Variants in BET1 observed in about 807,000 individuals in gnomAD.
BET1 encodes Bet1 golgi vesicular membrane trafficking protein.
In BET1, 9 loss-of-function variants were observed where a neutral mutation model predicts 13.9. The ratio of observed to expected loss-of-function variants is 0.65; its 90% CI spans 0.39 to 1.13. The LOEUF (loss-of-function observed/expected upper bound fraction) is 1.13, where lower values mean the gene tolerates loss of function less well. Among genes scored for constraint, BET1 ranks in the 50% most tolerant of loss-of-function variants. BET1 has a pLI of 0.01. For missense variants in BET1, 127 were observed against 133.6 expected (o/e 0.95, Z 0.24); for synonymous variants, 39 against 47.3 (o/e 0.82, Z 0.72).
intron 4 of BET1, among the ~76,000 whole-genome samples, chr7:93,983,365 A>G (rs1392135368): frequency 6.6e-6 from 1 of 152,186 alleles, no homozygotes; most frequent in African/African-American, 2.4e-5. Context: ...TCACCTCAAT[A>G]TATTGAATTC....
chr7:94,003,300 C>T (rs932504932), intron 1 of BET1, among the ~76,000 whole-genome samples: 2 of 151,008 alleles, frequency 1.3e-5, no homozygotes, highest in African/African-American at 4.9e-5. Context: ...AACAAGTCTA[C>T]GGTTATTGGC....
chr7:93,988,256 C>T (rs899632908), downstream of BET1, among the ~76,000 whole-genome samples: 22 of 152,028 alleles, frequency 1.4e-4, no homozygotes, highest in Admixed American at 1.2e-3. Context: ...TATGTCTTTC[C>T]TAAATGAATT....
At position 93,993,813 on chromosome 7, in the gene BET1, T is replaced by A; in HGVS notation, c.*417A>T. The A allele has an allele frequency of 6.5e-7, 1 of 1,527,976 alleles. No individual in the cohort carries two copies. Among genetic ancestry groups the A allele is most frequent in the Non-Finnish European group, 8.7e-7 (1 of 1,144,154 alleles). 94.7% of individuals were successfully genotyped at this position (1,527,976 alleles called of 1,614,324 possible). A position where few individuals can be genotyped will look rare whatever the true frequency, so the allele number is the denominator to read the frequency against. On this transcript the variant is annotated 3_prime_UTR_variant, in exon 4 of 4. Coordinates refer to ENST00000222547, the MANE Select transcript of BET1 (RefSeq NM_005868.6). ...TGCAGTTAGGAAAATTCAATTACCA[T>A]TTTACCACAAACTGGCTGACTACTT...
intron 4 of BET1, among the ~76,000 whole-genome samples, chr7:93,978,242 T>C (rs1248644868): frequency 6.6e-6 from 1 of 152,156 alleles, no homozygotes; most frequent in Non-Finnish European, 1.5e-5. Context: ...GTTAATTTTG[T>C]ATTTTTTTGT....
chr7:93,999,675 C>A (rs1795852094), intron 1 of BET1: 4 of 456,794 alleles, frequency 8.8e-6, no homozygotes, highest in Admixed American at 4.7e-5. Flanking sequence ...AAAAGCGTGG[C>A]TGTGAAGAGG....
At chr7:93,992,250 C>T (rs571862143), downstream of BET1, 9 of 985,242 alleles carry the variant, frequency 9.1e-6, no homozygotes, top group South Asian at 3.3e-4. Flanking sequence ...ACTTTTATAC[C>T]ACCCAAAATC....
intron 1 of BET1, among the ~76,000 whole-genome samples, chr7:94,003,975 C>A (rs1211271791): frequency 6.6e-6 from 1 of 152,116 alleles, no homozygotes; most frequent in African/African-American, 2.4e-5. Context: ...CCACTACTTT[C>A]TCTAGCCTAC....
intron 4 of BET1, among the ~76,000 whole-genome samples, chr7:93,980,818 TA>T (rs1229204715): frequency 2.6e-5 from 4 of 152,214 alleles, no homozygotes; most frequent in Non-Finnish European, 5.9e-5. Flanking sequence ...AAGGAAGAAG[TA>T]AAACTGTCTG....
Position 93,981,810 on chromosome 7 carries a change from A to T in BET1, c.236-5710T>A, listed in dbSNP as rs553118281. ...GGTCCAATCTGGTGATGGAGCAGAC[A>T]TTGCAGTCAGTAGTGCCAATGGGAA... On this transcript the variant is annotated intron_variant and NMD_transcript_variant, in intron 4 of 6. Transcript: ENST00000357520. Among the ~76,000 whole-genome samples the T allele has an allele frequency of 3.3e-5, 5 of 152,340 alleles. No homozygotes were observed. In the South Asian group the frequency reaches 8.3e-4, roughly 25 times the overall value.
chr7:93,989,624 G>T (rs1378188652), downstream of BET1, among the ~76,000 whole-genome samples: 3 of 152,144 alleles, frequency 2.0e-5, no homozygotes, highest in Non-Finnish European at 4.4e-5. Context: ...AACAAAATTT[G>T]TGTGTACTTT....
At chr7:93,967,829 T>C (rs1795198825) in intron 6 of BET1, among the ~76,000 whole-genome samples, 2 of 151,806 alleles carry the variant, frequency 1.3e-5, no homozygotes, top group African/African-American at 2.4e-5. Context: ...TCTGCAGTTA[T>C]CACAATGTAT....
At chr7:93,981,123 CTA>C (rs1266968932) in intron 4 of BET1, among the ~76,000 whole-genome samples, 1 of 152,006 alleles carries the variant, frequency 6.6e-6, no homozygotes, top group Non-Finnish European at 1.5e-5. Context: ...TCTGTCATTT[CTA>C]TGTGTTTGCT....
intron 4 of BET1, among the ~76,000 whole-genome samples, chr7:93,982,518 T>C (rs1209997742): frequency 6.6e-6 from 1 of 152,182 alleles, no homozygotes; most frequent in Non-Finnish European, 1.5e-5. Context: ...ATAATAAAGA[T>C]TAAATGTGTA....
Position 93,996,247 on chromosome 7 carries a change from A to C in BET1, c.201+18T>G. The C allele has an allele frequency of 6.5e-7, 1 of 1,530,006 alleles. No homozygotes were observed. The allele number at this position is 1,530,006 out of a possible 1,614,324, so 94.8% of individuals were successfully genotyped here. A position where few individuals can be genotyped will look rare whatever the true frequency, so the allele number is the denominator to read the frequency against. ...ATATTAGATCAAATTTCTTAAAGTT[A>C]AAATCATAACCACTTACCATTTCAG... On this transcript the variant is annotated intron_variant, in intron 3 of 3. Transcript: ENST00000222547.
intron 4 of BET1, among the ~76,000 whole-genome samples, chr7:93,977,173 T>C (rs934669992): frequency 6.6e-6 from 1 of 152,110 alleles, no homozygotes; most frequent in African/African-American, 2.4e-5. Context: ...TCAAAGATGT[T>C]GGAGGGGCTG....
chr7:93,993,254 C>CATA lies in BET1; in HGVS notation c.*975_*976insTAT. On this transcript the variant is annotated 3_prime_UTR_variant, in exon 4 of 4. Transcript: ENST00000222547. ...AGACTTAAAGAAGTAACACAGTCGA[C>CATA]TAATATATTTTATTTAAAAATTTAC... 3 of 953,664 alleles carry CATA rather than the reference C, an allele frequency of 3.1e-6. No homozygotes were observed. Among genetic ancestry groups the CATA allele is most frequent in the Non-Finnish European group, 3.7e-6 (3 of 801,256 alleles). The allele number at this position is 953,664 out of a possible 1,614,324, so 59.1% of individuals were successfully genotyped here.
chr7:93,973,053 A>G (rs1021505862), intron 5 of BET1, among the ~76,000 whole-genome samples: 1 of 151,970 alleles, frequency 6.6e-6, no homozygotes, highest in Admixed American at 6.6e-5. Flanking sequence ...TATCAGGAAT[A>G]CAAAGGAGAA....
At chr7:93,997,989 G>C (rs1795808812) in intron 2 of BET1, among the ~76,000 whole-genome samples, 1 of 152,144 alleles carries the variant, frequency 6.6e-6, no homozygotes, top group South Asian at 2.1e-4. Context: ...AGTTTGGAGG[G>C]AGGGGGTGCA....
intron 4 of BET1, among the ~76,000 whole-genome samples, chr7:93,984,566 A>G (rs1795489943): frequency 6.6e-6 from 1 of 152,060 alleles, no homozygotes; most frequent in South Asian, 2.1e-4. Context: ...ACAAAGATAA[A>G]TGTCGTGGGT....
Sources: gnomAD v4.1 joint callset for allele counts (sites outside exome capture counted in the v4.1 genomes callset) on GRCh38, gnomAD v4.1.1 for gene constraint, MANE v1.5 for transcripts, NCBI Gene and HGNC (gene_info 2026-07-23, HGNC 2026-07-21) for gene names.